Variants in NALF1 observed in about 807,000 individuals in gnomAD.
The protein encoded by NALF1 is family with sequence similarity 155 member A.
In NALF1, 3 loss-of-function variants were observed where a neutral mutation model predicts 48.4. That is an observed-to-expected ratio of 0.06 (90% CI 0.03 to 0.16). The LOEUF (loss-of-function observed/expected upper bound fraction) is 0.16. NALF1 is among the 10% of genes least tolerant of loss of function. NALF1 has a pLI of 1.00. For synonymous variants in NALF1, 262 were observed against 245.7 expected, an observed-to-expected ratio of 1.07 and a Z score of -0.62; for missense variants, 526 against 571.5, an observed-to-expected ratio of 0.92 and a Z score of 0.81.
rs111659449 is a variant in NALF1 at position 107,689,089 on chromosome 13, G to C, written c.915+176593C>G. On this transcript the variant is annotated intron_variant, in intron 1 of 2. Coordinates refer to ENST00000375915, the MANE Select transcript of NALF1 (RefSeq NM_001080396.3). ...TGATCAGACAGCTGGCTTCCCTGGG[G>C]AGATATTTTTTGTATTCCCCTTGTC... Among the ~76,000 whole-genome samples, 756 of 152,268 alleles carry C rather than the reference G, an allele frequency of 5.0e-3. 6 individuals are homozygous for C. Among genetic ancestry groups the C allele is most frequent in the Non-Finnish European group, 6.9e-3 (468 of 68,020 alleles).
At chr13:107,464,677 C>T (rs939158474) in intron 1 of NALF1, among the ~76,000 whole-genome samples, 2 of 152,024 alleles carry the variant, frequency 1.3e-5, no homozygotes, top group Non-Finnish European at 2.9e-5. Flanking sequence ...TGAACAGCTA[C>T]GCCTGGCAAA....
chr13:107,843,593 T>C (rs1204468426), intron 1 of NALF1, among the ~76,000 whole-genome samples: 1 of 152,120 alleles, frequency 6.6e-6, no homozygotes, highest in South Asian at 2.1e-4. Flanking sequence ...GTGCTTCCCC[T>C]GGTAAAAGTA....
chr13:107,510,243 A>C (rs563421751), intron 1 of NALF1, among the ~76,000 whole-genome samples: 18 of 152,206 alleles, frequency 1.2e-4, no homozygotes, highest in Non-Finnish European at 2.1e-4. Context: ...TTTCACACCC[A>C]ATTCCTCCTC....
chr13:107,811,854 A>T (rs1879001876), intron 1 of NALF1, among the ~76,000 whole-genome samples: 2 of 152,260 alleles, frequency 1.3e-5, no homozygotes, highest in African/African-American at 4.8e-5. Flanking sequence ...TAAGTTCCTG[A>T]AGGCCTCATC....
rs187167675 is a variant in NALF1 at position 107,381,292 on chromosome 13, T to C, written c.916-170537A>G. Among the ~76,000 whole-genome samples the C allele has an allele frequency of 9.8e-4, 149 of 151,390 alleles. 1 individual carries two copies. Among genetic ancestry groups the C allele is most frequent in the African/African-American group, 3.5e-3 (146 of 41,320 alleles). On this transcript the variant is annotated intron_variant, in intron 1 of 2. Transcript: ENST00000375915. Reference sequence around the variant, plus strand: ...CATAGCTCACTGCAGCTTCAACCTCTTTGGCTCAAGCGATCCTGCAGCCTC... The same window carrying C: ...CATAGCTCACTGCAGCTTCAACCTCCTTGGCTCAAGCGATCCTGCAGCCTC...
At chr13:107,237,043 G>A (rs1880365008) in intron 1 of NALF1, among the ~76,000 whole-genome samples, 1 of 150,940 alleles carries the variant, frequency 6.6e-6, no homozygotes, top group Non-Finnish European at 1.5e-5. Flanking sequence ...ATCCTTGAGG[G>A]GTCCTGAATC....
intron 1 of NALF1, among the ~76,000 whole-genome samples, chr13:107,640,383 T>C (rs1395866965): frequency 6.6e-6 from 1 of 152,198 alleles, no homozygotes; most frequent in Non-Finnish European, 1.5e-5. Flanking sequence ...ATTTTAGAAT[T>C]TAAAATAAAA....
At chr13:107,521,638 T>G (rs879244177) in intron 1 of NALF1, among the ~76,000 whole-genome samples, 3 of 152,176 alleles carry the variant, frequency 2.0e-5, no homozygotes, top group Admixed American at 2.0e-4. Flanking sequence ...GCTTTTGTCT[T>G]TTAATGGGGG....
At chr13:107,681,710 T>C (rs1566442068) in intron 1 of NALF1, among the ~76,000 whole-genome samples, 1 of 152,266 alleles carries the variant, frequency 6.6e-6, no homozygotes, top group East Asian at 1.9e-4. Context: ...ATCCGACGGC[T>C]GCAGGTGCCT....
chr13:107,489,931 G>A (rs546384101), intron 1 of NALF1, among the ~76,000 whole-genome samples: 4 of 152,108 alleles, frequency 2.6e-5, no homozygotes, highest in South Asian at 4.1e-4. Context: ...GGCAAAGAAC[G>A]TGAACATTTC....
intron 1 of NALF1, among the ~76,000 whole-genome samples, chr13:107,336,123 A>G (rs1331245345): frequency 6.6e-6 from 1 of 152,110 alleles, no homozygotes; most frequent in Non-Finnish European, 1.5e-5. Flanking sequence ...AGGCTGAGGC[A>G]GGCAGATCAC....
intron 1 of NALF1, among the ~76,000 whole-genome samples, chr13:107,453,850 C>A (rs992967726): frequency 1.3e-5 from 2 of 152,210 alleles, no homozygotes; most frequent in Admixed American, 1.3e-4. Flanking sequence ...GCACCCAAGT[C>A]AGCTCTTGAA....
intron 1 of NALF1, among the ~76,000 whole-genome samples, chr13:107,251,273 T>C (rs1445852439): frequency 3.3e-5 from 5 of 152,142 alleles, no homozygotes; most frequent in African/African-American, 1.2e-4. Flanking sequence ...TATTTCCCCC[T>C]CATTATTAGA....
chr13:107,743,999 T>C (rs1034106230), intron 1 of NALF1, among the ~76,000 whole-genome samples: 1 of 152,214 alleles, frequency 6.6e-6, no homozygotes, highest in Non-Finnish European at 1.5e-5. Context: ...ACTAGCCCAG[T>C]AGTCCAGGTA....
At chr13:107,646,843 CT>C (rs1191523186) in intron 1 of NALF1, among the ~76,000 whole-genome samples, 3 of 151,964 alleles carry the variant, frequency 2.0e-5, no homozygotes, top group Non-Finnish European at 2.9e-5. Flanking sequence ...TCAGAGTGTT[CT>C]CATTAGGAAA....
chr13:107,856,244 T>C (rs577113982), intron 1 of NALF1, among the ~76,000 whole-genome samples: 1 of 152,194 alleles, frequency 6.6e-6, no homozygotes, highest in Non-Finnish European at 1.5e-5. Flanking sequence ...TCAGTTCTTT[T>C]GATAATGTCC....
chr13:107,461,267 A>T (rs756421056), intron 1 of NALF1, among the ~76,000 whole-genome samples: 1 of 152,186 alleles, frequency 6.6e-6, no homozygotes, highest in East Asian at 1.9e-4. Flanking sequence ...TTTCCTTAGT[A>T]GAAAAAAGAA....
intron 1 of NALF1, among the ~76,000 whole-genome samples, chr13:107,529,008 A>G (rs2139105079): frequency 6.6e-6 from 1 of 152,264 alleles, no homozygotes; most frequent in East Asian, 1.9e-4. Context: ...TTATTTTCCA[A>G]TAAAAGTATG....
chr13:107,200,392 A>G (rs1879487171), intron 2 of NALF1, among the ~76,000 whole-genome samples: 1 of 152,106 alleles, frequency 6.6e-6, no homozygotes, highest in Non-Finnish European at 1.5e-5. Context: ...AAACAGGTCA[A>G]ATCAAGCCAG....
Sources: gnomAD v4.1 joint callset for allele counts (sites outside exome capture counted in the v4.1 genomes callset) on GRCh38, gnomAD v4.1.1 for gene constraint, MANE v1.5 for transcripts, NCBI Gene and HGNC (gene_info 2026-07-23, HGNC 2026-07-21) for gene names.